Variants in DIP2A observed in about 807,000 individuals in gnomAD.
DIP2A encodes the protein DIP2 acetate--CoA ligase A.
In DIP2A, 85 loss-of-function variants were observed where a neutral mutation model predicts 177.4. The observed-to-expected ratio is 0.48, with a 90% confidence interval of 0.40 to 0.57. The LOEUF (loss-of-function observed/expected upper bound fraction) is 0.57. Ranked by LOEUF, DIP2A falls within the 20% of genes least tolerant of loss-of-function variation. The pLI is 0.00. For missense variants in DIP2A, 1,791 were observed against 2,100.2 expected (o/e 0.85, Z 2.88); for synonymous variants, 886 against 881.8 (o/e 1.00, Z -0.08).
At position 46,538,550 on chromosome 21, in the gene DIP2A, C is replaced by T. The variant is rs1437674057; in HGVS notation, c.1869C>T (p.Asp623=). Residue 623 remains aspartate (D), a synonymous_variant, in exon 16 of 38, where the codon GAC becomes GAT. Transcript: ENST00000417564. ...TCCTAGCTCAGCGGGGCCAGAGGGA[C>T]GTCAGCCTCAGCTCACTGCGCATGC... ...WSLLAQRGQR[D]VSLSSLRMLI... The T allele has an allele frequency of 2.6e-6, 4 of 1,564,912 alleles. No individual in the cohort carries two copies. Among genetic ancestry groups the T allele is most frequent in the Non-Finnish European group, 2.6e-6 (3 of 1,157,204 alleles).
At chr21:46,471,024 G>A (rs942965215) in intron 1 of DIP2A, among the ~76,000 whole-genome samples, 2 of 152,000 alleles carry the variant, frequency 1.3e-5, no homozygotes, top group African/African-American at 2.4e-5. Flanking sequence ...AAGTTAATGG[G>A]AAAACTTTAT....
chr21:46,517,497 A>G (rs978519043), intron 8 of DIP2A, among the ~76,000 whole-genome samples: 3 of 152,170 alleles, frequency 2.0e-5, no homozygotes, highest in African/African-American at 4.8e-5. Context: ...TGGTCGCTGC[A>G]GTCCAGTCAT....
intron 1 of DIP2A, among the ~76,000 whole-genome samples, chr21:46,482,352 T>A (rs1182601879): frequency 1.3e-5 from 2 of 152,232 alleles, no homozygotes; most frequent in East Asian, 3.8e-4. Flanking sequence ...TCTTACCACC[T>A]AGTGACCTTG....
At chr21:46,459,567 C>T (rs1663357310) in intron 1 of DIP2A, among the ~76,000 whole-genome samples, 2 of 130,024 alleles carry the variant, frequency 1.5e-5, no homozygotes, top group Admixed American at 7.6e-5. Context: ...CCCCGGAACC[C>T]CGCGCGGCCC....
At chr21:46,550,248 G>A (rs2060222071) in intron 22 of DIP2A, 2 of 623,016 alleles carry the variant, frequency 3.2e-6, no homozygotes, top group Non-Finnish European at 5.4e-6. Flanking sequence ...GTCTAATTGA[G>A]GCTTTGTGCC....
At chr21:46,554,112 C>T (rs1005921671) in intron 25 of DIP2A, 57 bp from the exon 26 acceptor site, 52 of 1,564,058 alleles carry the variant, frequency 3.3e-5, no homozygotes, top group South Asian at 5.9e-5. Flanking sequence ...CGCAGATCTG[C>T]GAACAGCCCA....
At chr21:46,541,722 C>G (rs775520976) in intron 17 of DIP2A, 34 bp from the exon 18 acceptor site, 2 of 1,613,040 alleles carry the variant, frequency 1.2e-6, no homozygotes, top group South Asian at 1.1e-5. Flanking sequence ...TCATCCCCCT[C>G]GTCAGTTAAA....
chr21:46,553,345 G>A (rs981585618), intron 25 of DIP2A: 2 of 152,196 alleles, frequency 1.3e-5, no homozygotes, highest in Non-Finnish European at 2.9e-5. Context: ...CTGCTCTGGA[G>A]TTTTATATTT....
chr21:46,484,912 T>A, intron 2 of DIP2A, 84 bp downstream of exon 2: 3 of 1,361,500 alleles, frequency 2.2e-6, no homozygotes, highest in Non-Finnish European at 2.9e-6. Context: ...GAGTTTAACA[T>A]TTGTTAGCAA....
rs1293158277 is a variant in DIP2A, at chr21:46,484,703, T to C, written c.92-54T>C. Reference sequence around the variant, plus strand: ...TCAATCATAAATTGATGTTTAATTTTAAAATTTTGGAATTGTAGAAGAAAT... The same window carrying C: ...TCAATCATAAATTGATGTTTAATTTCAAAATTTTGGAATTGTAGAAGAAAT... On this transcript the variant is annotated intron_variant, in intron 1 of 37. Coordinates refer to ENST00000417564, the MANE Select transcript of DIP2A (RefSeq NM_015151.4). 5.4e-6 allele frequency: 8 copies of C among 1,468,740 alleles called. No individual in the cohort carries two copies. The African/African-American group carries it at 1.1e-4, about 21-fold the overall frequency. The allele number at this position is 1,468,740 out of a possible 1,614,324, so 91.0% of individuals were successfully genotyped here.
In DIP2A at chr21:46,537,202, C is replaced by G. The variant is rs913033092; in HGVS notation, c.1643-22C>G. ...TATTGAGAGGGTTGCTCAGTGGTGTCACCTTCTTTGTCCACTTGCAGCTGA... is the reference window on the plus strand; with the variant it reads ...TATTGAGAGGGTTGCTCAGTGGTGTGACCTTCTTTGTCCACTTGCAGCTGA... On this transcript the variant is annotated intron_variant, in intron 13 of 37. Transcript: ENST00000417564. This position sits in a 1 kb window ranked among gnomAD's most constrained non-coding sequence, Gnocchi z 4.1. 8 of 1,613,760 alleles carry G rather than the reference C, an allele frequency of 5.0e-6. No individual in the cohort carries two copies. In the African/African-American group the frequency reaches 9.3e-5, roughly 19 times the overall value.
At chr21:46,463,922 C>T (rs184673256) in intron 1 of DIP2A, among the ~76,000 whole-genome samples, 1 of 151,564 alleles carries the variant, frequency 6.6e-6, no homozygotes, top group African/African-American at 2.4e-5. Flanking sequence ...ATTGGCCAGG[C>T]TGGTCTTGAA....
intron 8 of DIP2A, among the ~76,000 whole-genome samples, chr21:46,528,526 G>GTTTTTTTTTTTTTTTTTTTTTT (rs2059206901): frequency 4.0e-5 from 1 of 25,120 alleles, no homozygotes; most frequent in Non-Finnish European, 7.0e-5. Flanking sequence ...TTTTCTGCTT[G>GTTTTTTTTTTTTTTTTTTTTTT]CTTTTTTTTT....
At chr21:46,477,571 T>TGTGTGTGGGTGTGTG (rs762054063) in intron 1 of DIP2A, among the ~76,000 whole-genome samples, 1 of 66,570 alleles carries the variant, frequency 1.5e-5, no homozygotes, top group Non-Finnish European at 2.8e-5. Context: ...GTGTGTGTAT[T>TGTGTGTGGGTGTGTG]TCTTTTTTTT....
At chr21:46,475,476 T>C (rs1398196675) in intron 1 of DIP2A, among the ~76,000 whole-genome samples, 1 of 152,242 alleles carries the variant, frequency 6.6e-6, no homozygotes, top group Non-Finnish European at 1.5e-5. Flanking sequence ...GTAGAAAATA[T>C]GGCAGACATT....
intron 1 of DIP2A, among the ~76,000 whole-genome samples, chr21:46,464,817 C>CTCTTTTTTTTT (rs2054651863): frequency 1.4e-5 from 1 of 73,442 alleles, no homozygotes; most frequent in Non-Finnish European, 2.5e-5. Context: ...ATATTCATGT[C>CTCTTTTTTTTT]TTTTTTTTTT....
At chr21:46,543,403 G>A (rs865806538) in intron 18 of DIP2A, among the ~76,000 whole-genome samples, 10 of 152,190 alleles carry the variant, frequency 6.6e-5, no homozygotes, top group South Asian at 6.2e-4. Flanking sequence ...CGTGCACAGC[G>A]CTCCCGTAGG....
the DIP2A span, among the ~76,000 whole-genome samples, chr21:46,576,657 G>A: frequency 6.6e-6 from 1 of 152,258 alleles, no homozygotes; most frequent in South Asian, 2.1e-4. Flanking sequence ...GGATTGCTGG[G>A]TCAAATGGTA....
intron 13 of DIP2A, 91 bp downstream of exon 13, chr21:46,534,778 A>G (rs1346444795): frequency 5.3e-6 from 6 of 1,140,434 alleles, no homozygotes; most frequent in South Asian, 1.4e-5. Flanking sequence ...GCACCTGTCA[A>G]AACCACCCCT....
Sources: gnomAD v4.1 joint callset for allele counts (sites outside exome capture counted in the v4.1 genomes callset) on GRCh38, gnomAD v4.1.1 for gene constraint, Gnocchi (gnomAD v3.1) non-coding constraint, MANE v1.5 for transcripts, NCBI Gene and HGNC (gene_info 2026-07-23, HGNC 2026-07-21) for gene names.